Variants in QTMAN observed in about 807,000 individuals in gnomAD.
QTMAN encodes the protein tRNA-queuosine alpha-mannosyltransferase.
the QTMAN span, among the ~76,000 whole-genome samples, chr2:144,156,751 T>G: frequency 6.6e-6 from 1 of 152,118 alleles, no homozygotes; most frequent in African/African-American, 2.4e-5. Flanking sequence ...AGTTATATAT[T>G]AGATTATCTA....
the QTMAN span, among the ~76,000 whole-genome samples, chr2:144,138,889 A>C: frequency 6.6e-6 from 1 of 152,260 alleles, no homozygotes; most frequent in East Asian, 1.9e-4. Flanking sequence ...CATTTAGAAC[A>C]TGCTAATAAG....
chr2:144,231,514 T>C, the QTMAN span, among the ~76,000 whole-genome samples: 3 of 152,154 alleles, frequency 2.0e-5, no homozygotes, highest in East Asian at 1.9e-4. Context: ...AAAAAGATAA[T>C]AGCTTTGCTA....
the QTMAN span, among the ~76,000 whole-genome samples, chr2:143,949,823 A>G: frequency 2.0e-5 from 3 of 151,486 alleles, no homozygotes; most frequent in African/African-American, 7.3e-5. Context: ...TCATTATTAT[A>G]AAGGTTTAGA....
the QTMAN span, among the ~76,000 whole-genome samples, chr2:144,325,015 T>G: frequency 6.6e-6 from 1 of 152,094 alleles, no homozygotes; most frequent in Non-Finnish European, 1.5e-5. Context: ...TCCATAAAAT[T>G]TTCATTTCAA....
chr2:144,133,039 G>A, the QTMAN span, among the ~76,000 whole-genome samples: 7 of 133,878 alleles, frequency 5.2e-5, no homozygotes, highest in Non-Finnish European at 1.1e-4. Flanking sequence ...GAGGTAGAAC[G>A]CAAACTGGAA....
At chr2:144,143,232 C>G in the QTMAN span, among the ~76,000 whole-genome samples, 1 of 151,878 alleles carries the variant, frequency 6.6e-6, no homozygotes, top group African/African-American at 2.4e-5. Context: ...AGGCTGTAAT[C>G]CTATCGTAAG....
At chr2:144,284,393 A>T in the QTMAN span, among the ~76,000 whole-genome samples, 2 of 152,004 alleles carry the variant, frequency 1.3e-5, no homozygotes, top group African/African-American at 2.4e-5. Flanking sequence ...ATTTAATGAC[A>T]TGTGAGAAAT....
the QTMAN span, among the ~76,000 whole-genome samples, chr2:144,142,993 A>T: frequency 1.3e-5 from 2 of 151,994 alleles, no homozygotes; most frequent in African/African-American, 4.8e-5. Context: ...TCACGATGCT[A>T]GGCAGCAGCA....
chr2:144,137,303 G>A, the QTMAN span, among the ~76,000 whole-genome samples: 2 of 152,064 alleles, frequency 1.3e-5, no homozygotes, highest in Admixed American at 1.3e-4. Context: ...TACAATCATG[G>A]AGAAATGTCT....
chr2:144,329,750 G>A, the QTMAN span, among the ~76,000 whole-genome samples: 2 of 152,058 alleles, frequency 1.3e-5, no homozygotes, highest in African/African-American at 2.4e-5. Context: ...ACCTAACAGC[G>A]TACCTGGTTC....
the QTMAN span, among the ~76,000 whole-genome samples, chr2:144,003,509 T>C: frequency 2.0e-5 from 3 of 151,764 alleles, no homozygotes; most frequent in Admixed American, 1.3e-4. Context: ...TGCCTTGCTA[T>C]AGATGTTTAT....
At chr2:143,996,232 CTA>C in the QTMAN span, among the ~76,000 whole-genome samples, 251 of 152,246 alleles carry the variant, frequency 1.6e-3, no homozygotes, top group African/African-American at 5.8e-3. Flanking sequence ...CAAGTGCATT[CTA>C]TGTCTGTCCA....
At chr2:143,975,534 T>C in the QTMAN span, among the ~76,000 whole-genome samples, 21 of 152,228 alleles carry the variant, frequency 1.4e-4, no homozygotes, top group African/African-American at 4.6e-4. Context: ...GTAGATAATA[T>C]TTGTGTTCAT....
At chr2:143,938,886 A>C in the QTMAN span, 1 of 152,256 alleles carries the variant, frequency 6.6e-6, no homozygotes, top group Non-Finnish European at 1.5e-5. Context: ...TTTGTGGACT[A>C]GTTGCCAGCC....
the QTMAN span, among the ~76,000 whole-genome samples, chr2:144,099,521 G>C: frequency 6.6e-6 from 1 of 152,166 alleles, no homozygotes; most frequent in Non-Finnish European, 1.5e-5. Flanking sequence ...AAGGAAATGT[G>C]GGTTGTTTTT....
chr2:144,163,268 C>A, the QTMAN span, among the ~76,000 whole-genome samples: 1 of 151,662 alleles, frequency 6.6e-6, no homozygotes, highest in Non-Finnish European at 1.5e-5. Flanking sequence ...TTCTATTATA[C>A]AATTATATAT....
chr2:143,974,626 A>G, the QTMAN span, among the ~76,000 whole-genome samples: 1 of 152,184 alleles, frequency 6.6e-6, no homozygotes, highest in Non-Finnish European at 1.5e-5. Flanking sequence ...ATGAATGTGT[A>G]TGTCTAGGAA....
the QTMAN span, among the ~76,000 whole-genome samples, chr2:144,292,136 T>C: frequency 1.3e-5 from 2 of 152,174 alleles, no homozygotes; most frequent in African/African-American, 2.4e-5. Flanking sequence ...AGAGGACACA[T>C]TAAAGATGGT....
the QTMAN span, among the ~76,000 whole-genome samples, chr2:144,035,471 T>C: frequency 6.6e-6 from 1 of 152,246 alleles, no homozygotes; most frequent in South Asian, 2.1e-4. Flanking sequence ...CATTTCCTTA[T>C]TCAACAGGCT....
Sources: gnomAD v4.1 joint callset for allele counts (sites outside exome capture counted in the v4.1 genomes callset) on GRCh38, gnomAD v4.1.1 for gene constraint, MANE v1.5 for transcripts, NCBI Gene and HGNC (gene_info 2026-07-23, HGNC 2026-07-21) for gene names.